The following CSMD3 variants were observed in gnomAD, a reference collection of about 807,000 sequenced individuals.
CSMD3 encodes CUB and Sushi multiple domains 3.
A neutral mutation model predicts 435.2 loss-of-function variants in CSMD3; 177 were observed. That is an observed-to-expected ratio of 0.41 (90% CI 0.36 to 0.46). CSMD3 has a LOEUF of 0.46. CSMD3 is among the 20% of genes least tolerant of loss of function. The pLI is 0.34. For missense variants in CSMD3, 4,265 were observed against 4,504.6 expected, an observed-to-expected ratio of 0.95 and a Z score of 1.52; for synonymous variants, 1,656 against 1,520.5, an observed-to-expected ratio of 1.09 and a Z score of -2.07.
chr8:112,817,978 T>A (rs930277692), intron 12 of CSMD3, among the ~76,000 whole-genome samples: 2 of 151,948 alleles, frequency 1.3e-5, no homozygotes, highest in Non-Finnish European at 1.5e-5. Flanking sequence ...TACAAAAAAA[T>A]TTCTTTATAC....
At chr8:113,180,905 T>C (rs1170869039) in intron 3 of CSMD3, among the ~76,000 whole-genome samples, 1 of 152,020 alleles carries the variant, frequency 6.6e-6, no homozygotes, top group East Asian at 1.9e-4. Context: ...CAGACCTCAC[T>C]GGGATGCTGG....
At chr8:112,832,897 A>G (rs13259298) in intron 11 of CSMD3, among the ~76,000 whole-genome samples, 38,574 of 152,016 alleles carry the variant, frequency 0.25, 5,362 homozygotes, top group Non-Finnish European at 0.32. Context: ...AGTTGTCTCA[A>G]TACTTTTTAT....
chr8:112,542,525 A>ATTC, intron 27 of CSMD3, among the ~76,000 whole-genome samples: 1 of 152,116 alleles, frequency 6.6e-6, no homozygotes, highest in South Asian at 2.1e-4. Context: ...ACAACGAACT[A>ATTC]TCTGAAAAGG....
chr8:112,921,624 T>C lies in CSMD3; in HGVS notation c.1633+3A>G. On this transcript the variant is annotated splice_donor_region_variant and intron_variant, in intron 10 of 70. Coordinates refer to ENST00000297405, the MANE Select transcript of CSMD3 (RefSeq NM_198123.2). ...TTCAGAGGGCATTATTATAAAACAT[T>C]ACCTTTACACACAGGCCTGTGATCA... The C allele has an allele frequency of 6.2e-7, 1 of 1,611,618 alleles. No homozygotes were observed. Among genetic ancestry groups the C allele is most frequent in the Non-Finnish European group, 8.5e-7 (1 of 1,178,030 alleles).
chr8:112,933,273 C>A (rs1318726546), intron 9 of CSMD3, among the ~76,000 whole-genome samples: 1 of 152,078 alleles, frequency 6.6e-6, no homozygotes, highest in Non-Finnish European at 1.5e-5. Flanking sequence ...ATTCTCTTAA[C>A]TCTAAAAGAA....
At chr8:112,476,903 C>G (rs1819108218) in intron 31 of CSMD3, among the ~76,000 whole-genome samples, 1 of 152,148 alleles carries the variant, frequency 6.6e-6, no homozygotes. Flanking sequence ...ACTCTCAGCT[C>G]CACTCATCAC....
intron 5 of CSMD3, among the ~76,000 whole-genome samples, chr8:113,072,825 TG>T (rs2131411951): frequency 1.3e-5 from 1 of 78,130 alleles, no homozygotes; most frequent in East Asian, 2.2e-3. Context: ...ATCATTCTGT[TG>T]GTCTTTAACC....
chr8:112,668,555 AG>A (rs2075580953), intron 16 of CSMD3, among the ~76,000 whole-genome samples: 1 of 152,144 alleles, frequency 6.6e-6, no homozygotes, highest in Admixed American at 6.6e-5. Flanking sequence ...CAGAGTTAGA[AG>A]GGGTCTTTAA....
intron 38 of CSMD3, among the ~76,000 whole-genome samples, chr8:112,369,023 A>G (rs917270683): frequency 6.6e-6 from 1 of 152,116 alleles, no homozygotes. Context: ...ATGACAGTGG[A>G]GGTATCATTA....
In CSMD3 at chr8:112,664,394, T is replaced by C. The variant is rs1214146498; in HGVS notation, c.2816+1883A>G. 2.0e-5 allele frequency among the ~76,000 whole-genome samples: 3 copies of C among 152,138 alleles called. No individual in the cohort carries two copies. In the East Asian group the frequency reaches 5.8e-4, roughly 29 times the overall value. ...TTTAGTTCAACATTCATGGAAAAAC[T>C]ATATTGGAAAAAGATTTAATGATGA... is the stretch of plus-strand genomic sequence containing the variant. On this transcript the variant is annotated intron_variant, in intron 17 of 70. Coordinates refer to ENST00000297405, the MANE Select transcript of CSMD3 (RefSeq NM_198123.2).
chr8:112,985,109 T>C (rs1242455163), intron 6 of CSMD3, among the ~76,000 whole-genome samples: 2 of 151,798 alleles, frequency 1.3e-5, no homozygotes, highest in Non-Finnish European at 1.5e-5. Context: ...ATGTGATATG[T>C]TTAATAGAGG....
At chr8:113,360,583 T>G (rs943804633) in intron 1 of CSMD3, among the ~76,000 whole-genome samples, 1 of 137,640 alleles carries the variant, frequency 7.3e-6, no homozygotes, top group South Asian at 2.4e-4. Flanking sequence ...TTTTTTTTTT[T>G]TTTTTTTTGA....
chr8:113,003,251 A>C lies in CSMD3; in HGVS notation c.1030+15816T>G, dbSNP rs528713792. On this transcript the variant is annotated intron_variant, in intron 6 of 70. Coordinates refer to ENST00000297405, the MANE Select transcript of CSMD3 (RefSeq NM_198123.2). ...CCAGAGCAAAATTCTGTCTCAAAAA[A>C]TAAATAAATAAATAGATAAATAAAT... 5.9e-3 allele frequency among the ~76,000 whole-genome samples: 899 copies of C among 152,146 alleles called. 5 individuals carry two copies. Among genetic ancestry groups the C allele is most frequent in the African/African-American group, 0.019 (798 of 41,520 alleles).
chr8:113,044,254 A>C (rs1262489984), intron 5 of CSMD3, among the ~76,000 whole-genome samples: 1 of 150,670 alleles, frequency 6.6e-6, no homozygotes, highest in Non-Finnish European at 1.5e-5. Flanking sequence ...TCCTATTAAG[A>C]GTAAGAAATA....
At chr8:112,641,826 G>GA (rs1440238529) in intron 20 of CSMD3, among the ~76,000 whole-genome samples, 1 of 151,568 alleles carries the variant, frequency 6.6e-6, no homozygotes, top group Non-Finnish European at 1.5e-5. Context: ...CCCATCTCAG[G>GA]AAAAACATAA....
chr8:112,924,892 C>T (rs1404404841), intron 9 of CSMD3, among the ~76,000 whole-genome samples: 2 of 152,106 alleles, frequency 1.3e-5, no homozygotes, highest in Non-Finnish European at 2.9e-5. Flanking sequence ...TTATAAACTA[C>T]ACAGTGTCTA....
chr8:112,411,620 C>T (rs1386871064), intron 32 of CSMD3, among the ~76,000 whole-genome samples: 1 of 152,018 alleles, frequency 6.6e-6, no homozygotes, highest in African/African-American at 2.4e-5. Flanking sequence ...TGATTTCCCA[C>T]ACATTATCAT....
At chr8:112,472,518 T>A in intron 32 of CSMD3, 73 bp downstream of exon 32, 2 of 834,666 alleles carry the variant, frequency 2.4e-6, no homozygotes, top group East Asian at 2.4e-5. Flanking sequence ...CATTTAAAAT[T>A]TTTGAATAGC....
At chr8:112,784,859 C>T (rs967357726) in intron 13 of CSMD3, among the ~76,000 whole-genome samples, 11 of 151,968 alleles carry the variant, frequency 7.2e-5, no homozygotes, top group Non-Finnish European at 1.0e-4. Flanking sequence ...ACTAATCTTA[C>T]TCAAAGTAGT....
Sources: gnomAD v4.1 joint callset for allele counts (sites outside exome capture counted in the v4.1 genomes callset) on GRCh38, gnomAD v4.1.1 for gene constraint, MANE v1.5 for transcripts, NCBI Gene and HGNC (gene_info 2026-07-23, HGNC 2026-07-21) for gene names.